Variants in NMNAT3 observed in about 807,000 individuals in gnomAD.
NMNAT3 encodes the protein nicotinamide nucleotide adenylyltransferase 3.
In NMNAT3, 21 loss-of-function variants were observed where a neutral mutation model predicts 24.8. That is an observed-to-expected ratio of 0.85 (90% CI 0.60 to 1.22). NMNAT3 has a LOEUF of 1.22. NMNAT3 is among the 50% of genes most tolerant of loss of function. The pLI, the probability that NMNAT3 is intolerant of heterozygous loss-of-function variation, is 0.00. For synonymous variants in NMNAT3, 136 were observed against 155.2 expected, an observed-to-expected ratio of 0.88 and a Z score of 0.92; for missense variants, 387 against 436.6, an observed-to-expected ratio of 0.89 and a Z score of 1.01.
rs761782305 is a variant in NMNAT3 at position 139,561,141 on chromosome 3, C to T, written c.910G>A (p.Gly304Ser). ...AGGTACTTTACGCTCTGCCCTTGGCCCAAGGCTCGCCTGATGTATGTGGCA... is the reference window on the plus strand; with the variant it reads ...AGGTACTTTACGCTCTGCCCTTGGCTCAAGGCTCGCCTGATGTATGTGGCA... The change falls in exon 7 of 7, where the codon GGC becomes AGC. Residue 304 changes from glycine (G) to serine (S), a missense_variant. By Grantham distance (56) the Gly-to-Ser change is moderately conservative. This residue lies in a region of NMNAT3 where 323 missense variants were observed against 345.2 expected (regional missense o/e 0.94). Coordinates refer to ENST00000643695, the MANE Select transcript of NMNAT3 (RefSeq NM_001320510.2). The T allele has an allele frequency of 9.9e-6, 16 of 1,614,104 alleles. No individual in the cohort carries two copies. The highest frequency in any genetic ancestry group is 1.3e-5 in the Non-Finnish European group (15 of 1,180,000).
intron 2 of NMNAT3, among the ~76,000 whole-genome samples, chr3:139,628,590 G>A (rs1457161356): frequency 6.6e-6 from 1 of 152,168 alleles, no homozygotes; most frequent in African/African-American, 2.4e-5. Flanking sequence ...TTGAGAGGGT[G>A]CAGCCCACCC....
At chr3:139,656,349 AAG>A (rs10600339) in intron 1 of NMNAT3, among the ~76,000 whole-genome samples, 3,392 of 152,268 alleles carry the variant, frequency 0.022, 112 homozygotes, top group African/African-American at 0.076. Context: ...TTCATTTCTA[AAG>A]TGCAGCTTGA....
At chr3:139,631,672 A>T (rs898123446) in intron 2 of NMNAT3, among the ~76,000 whole-genome samples, 3 of 147,626 alleles carry the variant, frequency 2.0e-5, no homozygotes, top group Non-Finnish European at 4.5e-5. Context: ...ACTGCCTCCC[A>T]CTCCATAGTC....
intron 3 of NMNAT3, among the ~76,000 whole-genome samples, chr3:139,603,931 G>A (rs2054826228): frequency 6.6e-6 from 1 of 152,162 alleles, no homozygotes; most frequent in Non-Finnish European, 1.5e-5. Flanking sequence ...ATATTCAAAG[G>A]TTGGTCACTA....
intron 1 of NMNAT3, among the ~76,000 whole-genome samples, chr3:139,653,671 C>G (rs912403303): frequency 2.0e-5 from 3 of 152,146 alleles, no homozygotes; most frequent in Non-Finnish European, 2.9e-5. Context: ...GGGGCATAAG[C>G]CAGGTTTACG....
At chr3:139,610,206 C>T (rs936884660) in intron 3 of NMNAT3, among the ~76,000 whole-genome samples, 1 of 152,092 alleles carries the variant, frequency 6.6e-6, no homozygotes, top group African/African-American at 2.4e-5. Flanking sequence ...AAAGCACACT[C>T]ATCTGCAAAG....
rs148836808 is a variant in NMNAT3 at position 139,624,657 on chromosome 3, C to T, written c.109+2959G>A. ...AGAGACGGGGTTTCACCATGTTGGC[C>T]AGGCTGGTCTCAAACTCCTGACCTC... On this transcript the variant is annotated intron_variant, in intron 3 of 6. Coordinates refer to ENST00000643695, the MANE Select transcript of NMNAT3 (RefSeq NM_001320510.2). Among the ~76,000 whole-genome samples the T allele has an allele frequency of 6.6e-3, 1,006 of 152,272 alleles. 10 individuals are homozygous for T. The highest frequency in any genetic ancestry group is 0.023 in the African/African-American group (971 of 41,552).
chr3:139,662,779 G>C (rs2057457516), intron 1 of NMNAT3, among the ~76,000 whole-genome samples: 1 of 152,114 alleles, frequency 6.6e-6, no homozygotes, highest in South Asian at 2.1e-4. Context: ...TGCCACAGAG[G>C]CACAGACTTT....
chr3:139,670,994 C>T (rs888264071), intron 1 of NMNAT3, among the ~76,000 whole-genome samples: 2 of 152,174 alleles, frequency 1.3e-5, no homozygotes, highest in South Asian at 4.1e-4. Flanking sequence ...GGAGCCAAAC[C>T]TGGCTTTAAC....
chr3:139,576,733 C>A (rs1939363207), intron 5 of NMNAT3, among the ~76,000 whole-genome samples: 2 of 151,880 alleles, frequency 1.3e-5, no homozygotes, highest in South Asian at 4.2e-4. Flanking sequence ...TAACACTGAG[C>A]AACACAAGAA....
chr3:139,648,770 C>T (rs558848896), intron 1 of NMNAT3, among the ~76,000 whole-genome samples: 1 of 152,236 alleles, frequency 6.6e-6, no homozygotes, highest in South Asian at 2.1e-4. Flanking sequence ...GGTTACATTC[C>T]ATGTAATACT....
In NMNAT3 at chr3:139,561,211, C is replaced by G. The variant is rs148247177; in HGVS notation, c.840G>C (p.Gln280His). ...GCTCCTTGGCCAGGTGAATGTTGTG[C>G]TGGTGCATCCGTAGGATGGGAGATT... Residue 280 changes from glutamine to histidine, a missense_variant, in exon 7 of 7, where the codon CAG (glutamine) becomes CAC (histidine). By Grantham distance (24) the Gln-to-His change is conservative (BLOSUM62 0). Transcript: ENST00000643695. The G allele has an allele frequency of 1.2e-6, 2 of 1,614,034 alleles. No homozygotes were observed. Among genetic ancestry groups the G allele is most frequent in the African/African-American group, 2.7e-5 (2 of 74,906 alleles).
intron 2 of NMNAT3, chr3:139,635,956 GTGATAGC>G (rs141264306): frequency 6.6e-6 from 1 of 152,330 alleles, no homozygotes; most frequent in East Asian, 1.9e-4. Flanking sequence ...TACCTGGAAT[GTGATAGC>G]TGGAGCATGG....
intron 6 of NMNAT3, among the ~76,000 whole-genome samples, chr3:139,563,780 C>G (rs1936768725): frequency 6.6e-6 from 1 of 152,164 alleles, no homozygotes; most frequent in South Asian, 2.1e-4. Flanking sequence ...AACACTGTTA[C>G]AAAATTTTTA....
At chr3:139,596,310 C>T (rs1024446353) in intron 3 of NMNAT3, among the ~76,000 whole-genome samples, 1 of 152,106 alleles carries the variant, frequency 6.6e-6, no homozygotes, top group Non-Finnish European at 1.5e-5. Context: ...CTGTGTAGTT[C>T]CAGGAGGTAG....
chr3:139,624,204 C>G (rs2055940158), intron 3 of NMNAT3, among the ~76,000 whole-genome samples: 1 of 151,920 alleles, frequency 6.6e-6, no homozygotes, highest in African/African-American at 2.4e-5. Flanking sequence ...CTATAAAACT[C>G]TTCTTAAGTA....
intron 6 of NMNAT3, chr3:139,569,795 T>C (rs1937835562): frequency 1.3e-5 from 2 of 152,194 alleles, no homozygotes; most frequent in Admixed American, 1.3e-4. Flanking sequence ...TCATTTTAAC[T>C]TTGGTGAATC....
intron 3 of NMNAT3, among the ~76,000 whole-genome samples, chr3:139,627,377 T>A (rs2056098187): frequency 6.6e-6 from 1 of 152,058 alleles, no homozygotes; most frequent in Non-Finnish European, 1.5e-5. Context: ...ATTGCCAATG[T>A]GAGGTGGGCA....
chr3:139,644,668 A>G (rs540037236), intron 1 of NMNAT3, among the ~76,000 whole-genome samples: 1 of 152,350 alleles, frequency 6.6e-6, no homozygotes, highest in South Asian at 2.1e-4. Context: ...ATGTAAATTA[A>G]AATGGGACAT....
Sources: allele counts gnomAD v4.1 joint callset (sites outside exome capture counted in the v4.1 genomes callset), GRCh38; gene constraint gnomAD v4.1.1; regional missense constraint gnomAD v4.1.1; transcripts MANE v1.5; gene names NCBI Gene and HGNC (gene_info 2026-07-23, HGNC 2026-07-21).